The following ATP1B3 variants were observed in gnomAD, a reference collection of about 807,000 sequenced individuals.
ATP1B3 encodes ATPase Na+/K+ transporting subunit beta 3.
Under a neutral mutation model 30.2 loss-of-function variants are expected in ATP1B3, and 10 were observed. The observed-to-expected ratio is 0.33, with a 90% CI of 0.20 to 0.56. The LOEUF (loss-of-function observed/expected upper bound fraction) is 0.56. Ranked by LOEUF, ATP1B3 falls within the 20% of genes least tolerant of loss-of-function variation. The probability of loss-of-function intolerance (pLI) is 0.90; values close to 1 mark genes in which losing one functional copy is unlikely to be tolerated. For missense variants in ATP1B3, 238 were observed against 336.7 expected, an observed-to-expected ratio of 0.71 and a Z score of 2.29; for synonymous variants, 113 against 117.0, an observed-to-expected ratio of 0.97 and a Z score of 0.22.
intron 1 of ATP1B3, among the ~76,000 whole-genome samples, chr3:141,891,207 G>A (rs1933946167): frequency 6.6e-6 from 1 of 152,150 alleles, no homozygotes; most frequent in Non-Finnish European, 1.5e-5. Flanking sequence ...TGATTCCTGT[G>A]TATCATCACA....
intron 3 of ATP1B3, 92 bp from the exon 4 acceptor site, chr3:141,913,560 T>A: frequency 1.8e-6 from 2 of 1,142,130 alleles, no homozygotes; most frequent in Non-Finnish European, 2.4e-6. Flanking sequence ...TGTTTTTGTC[T>A]TTGAAGAACA....
At position 141,922,077 on chromosome 3, in the gene ATP1B3, A is replaced by C. The variant is rs762120509; in HGVS notation, c.669+14A>C. Reference sequence around the variant, plus strand: ...AAAAAACTGCATGTAAGTATTGAGAAGTTCTTATGTGGTGATTACTCTTTT... The same window carrying C: ...AAAAAACTGCATGTAAGTATTGAGACGTTCTTATGTGGTGATTACTCTTTT... On this transcript the variant is annotated intron_variant, in intron 6 of 6. Coordinates refer to ENST00000286371, the MANE Select transcript of ATP1B3 (RefSeq NM_001679.4). 5 of 1,441,526 alleles carry C rather than the reference A, an allele frequency of 3.5e-6. No homozygotes were observed. In the East Asian group the frequency reaches 9.4e-5, roughly 27 times the overall value. The allele number at this position is 1,441,526 out of a possible 1,614,324, so 89.3% of individuals were successfully genotyped here. A position where few individuals can be genotyped will look rare whatever the true frequency, so the allele number is the denominator to read the frequency against.
At chr3:141,916,430 T>C (rs530969039) in intron 5 of ATP1B3, 143 of 596,942 alleles carry the variant, frequency 2.4e-4, no homozygotes, top group Admixed American at 1.5e-3. Flanking sequence ...ATATGGTGCA[T>C]TTTCCTTAAG....
rs2107923791 is a variant in ATP1B3 at position 141,876,887 on chromosome 3, T to G, written c.86T>G (p.Leu29Arg). ...TACAACCCGACCACCGGAGAATTCC[T>G]GGGGCGCACCGCCAAGAGCTGGGGT... ...FIYNPTTGEF[L>R]GRTAKSWGLI... is the part of the protein sequence containing the mutation. Residue 29 changes from leucine (L) to arginine (R), a missense_variant, in exon 1 of 7, where the codon CTG becomes CGG. Around this residue, in one of 3 missense-constraint regions of ATP1B3, gnomAD observed 130 missense variants for 148.8 expected, o/e 0.87. Transcript: ENST00000286371. 6.3e-7 allele frequency: 1 copy of G among 1,579,622 alleles called. No individual in the cohort carries two copies. The highest frequency in any genetic ancestry group is 8.6e-7 in the Non-Finnish European group (1 of 1,163,422).
At chr3:141,908,196 G>T (rs1559871191) in intron 3 of ATP1B3, among the ~76,000 whole-genome samples, 1 of 151,076 alleles carries the variant, frequency 6.6e-6, no homozygotes, top group African/African-American at 2.4e-5. Flanking sequence ...TTATGTCTGT[G>T]TCTGATTTTT....
At chr3:141,913,930 T>C (rs1934411502) in intron 4 of ATP1B3, 94 bp downstream of exon 4, 3 of 1,222,864 alleles carry the variant, frequency 2.5e-6, no homozygotes, top group East Asian at 2.5e-5. Context: ...GGTTAATGCC[T>C]TCCTTATTAA....
At chr3:141,897,975 G>A (rs1319485552) in intron 1 of ATP1B3, among the ~76,000 whole-genome samples, 1 of 152,188 alleles carries the variant, frequency 6.6e-6, no homozygotes, top group East Asian at 1.9e-4. Context: ...CTCTCAAAGT[G>A]CTGGGATTAT....
intron 1 of ATP1B3, among the ~76,000 whole-genome samples, chr3:141,895,337 C>T (rs1934044110): frequency 6.6e-6 from 1 of 151,644 alleles, no homozygotes; most frequent in African/African-American, 2.4e-5. Flanking sequence ...TACAGGTGCC[C>T]GCTACCATGC....
chr3:141,905,141 C>G (rs1934240585), intron 2 of ATP1B3, among the ~76,000 whole-genome samples: 1 of 152,102 alleles, frequency 6.6e-6, no homozygotes, highest in Non-Finnish European at 1.5e-5. Flanking sequence ...AGACTGTAAA[C>G]TAACTGCTAT....
rs770684946 is a variant in ATP1B3 at position 141,925,512 on chromosome 3, A to G, written c.670-19A>G. 6.3e-7 allele frequency: 1 copy of G among 1,583,098 alleles called. No homozygotes were observed. The highest frequency in any genetic ancestry group is 8.6e-7 in the Non-Finnish European group (1 of 1,167,362). On this transcript the variant is annotated intron_variant, in intron 6 of 6. Coordinates refer to ENST00000286371, the MANE Select transcript of ATP1B3 (RefSeq NM_001679.4). The stretch of plus-strand genomic sequence containing the variant: ...GTTTCCATAGAGTTTGAATTAATAT[A>G]TTTTCCTTTTATTGCCAGGTTGGGT...
chr3:141,882,633 G>T (rs1235223514), intron 1 of ATP1B3, among the ~76,000 whole-genome samples: 1 of 152,180 alleles, frequency 6.6e-6, no homozygotes, highest in Non-Finnish European at 1.5e-5. Flanking sequence ...GCCCAGGCTG[G>T]AGTGCAATGG....
At chr3:141,896,431 G>C (rs564526633) in intron 1 of ATP1B3, among the ~76,000 whole-genome samples, 2 of 152,270 alleles carry the variant, frequency 1.3e-5, no homozygotes, top group South Asian at 4.1e-4. Context: ...TGGGGCAGGA[G>C]GATTGCTTGA....
At chr3:141,923,984 G>GC (rs1340312273) in intron 6 of ATP1B3, among the ~76,000 whole-genome samples, 1 of 152,200 alleles carries the variant, frequency 6.6e-6, no homozygotes, top group Non-Finnish European at 1.5e-5. Flanking sequence ...GGTGGTATGA[G>GC]CGAGGTTTCT....
intron 5 of ATP1B3, chr3:141,916,586 G>C (rs1934468395): frequency 7.8e-7 from 1 of 1,281,798 alleles, no homozygotes; most frequent in Non-Finnish European, 1.0e-6. Flanking sequence ...TAAGAGTTCT[G>C]AGGAGACATT....
intron 2 of ATP1B3, 100 bp from the exon 3 acceptor site, chr3:141,907,067 C>A: frequency 5.0e-6 from 4 of 804,294 alleles, no homozygotes; most frequent in Non-Finnish European, 7.6e-6. Context: ...ACTGTCAACA[C>A]AATTTTCCAT....
intron 1 of ATP1B3, among the ~76,000 whole-genome samples, chr3:141,890,079 T>G (rs1933912783): frequency 1.0e-5 from 1 of 95,658 alleles, no homozygotes; most frequent in African/African-American, 4.3e-5. Flanking sequence ...GTAATCTAAT[T>G]TTTTTTCTTT....
intron 1 of ATP1B3, among the ~76,000 whole-genome samples, chr3:141,884,110 C>T (rs1323743268): frequency 6.6e-6 from 1 of 152,006 alleles, no homozygotes; most frequent in South Asian, 2.1e-4. Flanking sequence ...TTAATAGTGC[C>T]CTTCTTCCCT....
rs183238710 is a variant in ATP1B3, at chr3:141,913,659, T to G, written c.354T>G (p.Thr118=). The change falls in exon 4 of 7, where the codon ACT becomes ACG. Residue 118 remains threonine, a synonymous_variant. Transcript: ENST00000286371. ...EDLKKFLKPY[T]LEEQKNLTVC... is the part of the protein sequence containing the mutation. ...TATATGTTTCCTTTTTAGCATATAC[T>G]TTAGAAGAACAGAAGAACCTCACAG... 1.9e-6 allele frequency: 3 copies of G among 1,610,504 alleles called. No homozygotes were observed. In the East Asian group the frequency reaches 6.7e-5, roughly 36 times the overall value.
intron 1 of ATP1B3, chr3:141,902,240 G>T (rs1334079886): frequency 1.6e-6 from 2 of 1,231,278 alleles, no homozygotes; most frequent in South Asian, 2.5e-5. Flanking sequence ...AATTGGGGGG[G>T]AGGGGTAGAA....
Sources: gnomAD v4.1 joint callset for allele counts (sites outside exome capture counted in the v4.1 genomes callset) on GRCh38, gnomAD v4.1.1 for gene constraint, gnomAD v4.1.1 regional missense constraint, MANE v1.5 for transcripts, NCBI Gene and HGNC (gene_info 2026-07-23, HGNC 2026-07-21) for gene names.